SLC1A1: variants seen among roughly 807,000 people sequenced by gnomAD.
SLC1A1 encodes solute carrier family 1 member 1, also known as excitatory amino acid transporter 3.
A neutral mutation model predicts 53.3 loss-of-function variants in SLC1A1; 43 were observed. The observed-to-expected ratio is 0.81, with a 90% CI of 0.63 to 1.04. The LOEUF (loss-of-function observed/expected upper bound fraction) is 1.04, where lower values mean the gene tolerates loss of function less well. Ranked by LOEUF, SLC1A1 falls within the 50% of genes least tolerant of loss-of-function variation. SLC1A1 has a pLI of 0.00. For missense variants in SLC1A1, 748 were observed against 664.9 expected (o/e 1.12, Z -1.37); for synonymous variants, 307 against 243.2 (o/e 1.26, Z -2.44).
intron 1 of SLC1A1, among the ~76,000 whole-genome samples, chr9:4,509,914 A>C (rs962879585): frequency 5.3e-5 from 8 of 152,126 alleles, no homozygotes; most frequent in Non-Finnish European, 4.4e-5. Context: ...GCTCACTGCA[A>C]CCTCTGCCTC....
chr9:4,572,466 T>C (rs897919354), intron 7 of SLC1A1, 78 bp downstream of exon 7: 13 of 1,310,026 alleles, frequency 9.9e-6, no homozygotes, highest in Non-Finnish European at 1.2e-5. Context: ...AGAGGTTTTA[T>C]GTTTGTCAAC....
chr9:4,580,709 G>GA (rs995884183), intron 10 of SLC1A1, among the ~76,000 whole-genome samples: 13 of 139,032 alleles, frequency 9.4e-5, no homozygotes, highest in South Asian at 2.3e-4. Context: ...AGAGCTGAGA[G>GA]AAAAAAAAAG....
At chr9:4,577,085 A>C (rs561250070) in intron 10 of SLC1A1, among the ~76,000 whole-genome samples, 2 of 152,272 alleles carry the variant, frequency 1.3e-5, no homozygotes, top group South Asian at 4.2e-4. Context: ...CACATATCCA[A>C]ATGAATGCTG....
intron 1 of SLC1A1, among the ~76,000 whole-genome samples, chr9:4,508,258 T>C (rs193206189): frequency 6.6e-6 from 1 of 152,152 alleles, no homozygotes; most frequent in East Asian, 1.9e-4. Flanking sequence ...AGGTAGAAAA[T>C]GCAAGACTTT....
chr9:4,528,832 C>T (rs1378369306), intron 1 of SLC1A1, among the ~76,000 whole-genome samples: 1 of 152,114 alleles, frequency 6.6e-6, no homozygotes, highest in East Asian at 1.9e-4. Context: ...CACACTTCAT[C>T]CACGTCTCTT....
At chr9:4,580,651 G>GTATA (rs59136226) in intron 10 of SLC1A1, among the ~76,000 whole-genome samples, 5 of 118,844 alleles carry the variant, frequency 4.2e-5, no homozygotes, top group African/African-American at 1.3e-4. Context: ...GTGTGTGTGT[G>GTATA]TATAAGGAAT....
rs935142009 is a variant in SLC1A1 at position 4,496,803 on chromosome 9, G to A, written c.91+6033G>A. ...CCCCAACTACTCAAGAGGCTGATGT[G>A]GGAAGATCACATGAGGCCAGGAGTT... On this transcript the variant is annotated intron_variant, in intron 1 of 11. Coordinates refer to ENST00000262352, the MANE Select transcript of SLC1A1 (RefSeq NM_004170.6). Among the ~76,000 whole-genome samples the A allele has an allele frequency of 2.0e-5, 3 of 152,124 alleles. No individual in the cohort carries two copies. The East Asian group carries it at 5.8e-4, about 29-fold the overall frequency.
intron 3 of SLC1A1, among the ~76,000 whole-genome samples, chr9:4,562,626 G>A (rs961170161): frequency 1.1e-4 from 17 of 152,116 alleles, no homozygotes; most frequent in Admixed American, 1.1e-3. Context: ...GACATTTTAA[G>A]AAGAATGCCC....
chr9:4,529,961 T>C (rs1489123939), intron 1 of SLC1A1, among the ~76,000 whole-genome samples: 2 of 152,194 alleles, frequency 1.3e-5, no homozygotes, highest in South Asian at 4.1e-4. Flanking sequence ...AAATTTGAGT[T>C]GGACAATGAA....
intron 1 of SLC1A1, among the ~76,000 whole-genome samples, chr9:4,519,816 A>C (rs975563607): frequency 6.6e-6 from 1 of 152,206 alleles, no homozygotes; most frequent in African/African-American, 2.4e-5. Context: ...TGTGTCTTAC[A>C]TCTTCACCTA....
chr9:4,507,171 T>G (rs1422023418), intron 1 of SLC1A1, among the ~76,000 whole-genome samples: 1 of 152,056 alleles, frequency 6.6e-6, no homozygotes, highest in Non-Finnish European at 1.5e-5. Context: ...GAGGTGGACC[T>G]TGCAAGTGAG....
chr9:4,573,797 G>A (rs566659519), intron 7 of SLC1A1, 110 bp from the exon 8 acceptor site: 1 of 785,986 alleles, frequency 1.3e-6, no homozygotes, highest in Non-Finnish European at 2.3e-6. Context: ...GCTCCACCAA[G>A]TGTGCATGCC....
chr9:4,564,953 C>A (rs1377934752), intron 4 of SLC1A1, among the ~76,000 whole-genome samples: 4 of 152,140 alleles, frequency 2.6e-5, no homozygotes, highest in Non-Finnish European at 5.9e-5. Context: ...AAGCTAAGGT[C>A]TTTTCTTCAA....
At chr9:4,533,953 A>G (rs1359784529) in intron 1 of SLC1A1, among the ~76,000 whole-genome samples, 5 of 152,292 alleles carry the variant, frequency 3.3e-5, no homozygotes, top group East Asian at 3.9e-4. Flanking sequence ...CTGCTCCTGA[A>G]TGACTACTGG....
Position 4,579,865 on chromosome 9 carries a change from C to T in SLC1A1, c.1193+3102C>T, listed in dbSNP as rs998184968. ...TTATCATAATACTCAAAGGTTACAA[C>T]GGATTGAAAATTGTGTGAGAATATG... On this transcript the variant is annotated intron_variant, in intron 10 of 11. Transcript: ENST00000262352. Among the ~76,000 whole-genome samples the T allele has an allele frequency of 4.6e-5, 7 of 151,578 alleles. No homozygotes were observed. The South Asian group carries it at 1.0e-3, about 23-fold the overall frequency.
At chr9:4,506,843 CCT>C (rs1269309853) in intron 1 of SLC1A1, among the ~76,000 whole-genome samples, 24 of 152,312 alleles carry the variant, frequency 1.6e-4, no homozygotes, top group African/African-American at 5.5e-4. Flanking sequence ...TTCTCTCTCC[CCT>C]CTTAGAACCT....
At chr9:4,493,016 C>T (rs1306322308) in intron 1 of SLC1A1, among the ~76,000 whole-genome samples, 5 of 152,108 alleles carry the variant, frequency 3.3e-5, no homozygotes, top group Non-Finnish European at 5.9e-5. Flanking sequence ...GAATCAGTTG[C>T]GTGAATAAGA....
chr9:4,511,598 C>CACAT (rs1300566474), intron 1 of SLC1A1, among the ~76,000 whole-genome samples: 1 of 149,026 alleles, frequency 6.7e-6, no homozygotes, highest in Non-Finnish European at 1.5e-5. Flanking sequence ...CACACACACA[C>CACAT]ACTACACTAC....
chr9:4,582,978 C>A, intron 10 of SLC1A1, 60 bp from the exon 11 acceptor site: 10 of 1,608,994 alleles, frequency 6.2e-6, no homozygotes, highest in Non-Finnish European at 8.5e-6. Flanking sequence ...CCATTTCAGG[C>A]CAGGGCTTTA....
Sources: allele counts gnomAD v4.1 joint callset (sites outside exome capture counted in the v4.1 genomes callset), GRCh38; gene constraint gnomAD v4.1.1; transcripts MANE v1.5; gene names NCBI Gene and HGNC (gene_info 2026-07-23, HGNC 2026-07-21).